Variants in MMP15 observed in about 807,000 individuals in gnomAD.
The protein encoded by MMP15 is matrix metallopeptidase 15.
Under a neutral mutation model 65.0 loss-of-function variants are expected in MMP15, and 36 were observed. That is an observed-to-expected ratio of 0.55 (90% CI 0.42 to 0.73). The LOEUF is 0.73. MMP15 is among the 30% of genes least tolerant of loss of function. The pLI is 0.00. For synonymous variants in MMP15, 428 were observed against 410.2 expected, an observed-to-expected ratio of 1.04 and a Z score of -0.52; for missense variants, 870 against 987.8, an observed-to-expected ratio of 0.88 and a Z score of 1.60.
Position 58,043,294 on chromosome 16 carries a change from A to G in MMP15, c.1388A>G (p.Tyr463Cys). 4.4e-6 allele frequency: 7 copies of G among 1,605,326 alleles called. No homozygotes were observed. The highest frequency in any genetic ancestry group is 5.1e-6 in the Non-Finnish European group (6 of 1,175,468). ...ACCAGCTATGGCCTGGGCATCCCCT[A>G]TGACCGCATTGACACGGCCATCTGG... ...PLTSYGLGIP[Y>C]DRIDTAIWWE... Residue 463 changes from tyrosine (Y) to cysteine (C), a missense_variant, in exon 8 of 10, where the codon TAT becomes TGT. Transcript: ENST00000219271.
chr16:58,043,921 T>A (rs992650551), intron 9 of MMP15, among the ~76,000 whole-genome samples: 1 of 152,188 alleles, frequency 6.6e-6, no homozygotes, highest in Non-Finnish European at 1.5e-5. Context: ...CCTGCCTGCG[T>A]CCGGAGCTGG....
chr16:58,031,574 T>G (rs41477647), intron 1 of MMP15, among the ~76,000 whole-genome samples: 6,711 of 152,226 alleles, frequency 0.044, 485 homozygotes, highest in African/African-American at 0.15. Context: ...GGAACCCGGT[T>G]GTTTTTTCCT....
At chr16:58,036,426 C>T (rs1258407575) in intron 1 of MMP15, among the ~76,000 whole-genome samples, 4 of 152,200 alleles carry the variant, frequency 2.6e-5, no homozygotes, top group African/African-American at 4.8e-5. Flanking sequence ...ATGCCTCAGC[C>T]TAGTCCTCCC....
intron 1 of MMP15, among the ~76,000 whole-genome samples, chr16:58,032,878 G>A (rs1265503785): frequency 6.6e-6 from 1 of 152,262 alleles, no homozygotes; most frequent in Non-Finnish European, 1.5e-5. Flanking sequence ...TGCTCAGATT[G>A]CAGACAGAAC....
Position 58,045,635 on chromosome 16 carries a change from T to TGTTTCC in MMP15, c.*190_*195dup, listed in dbSNP as rs1959551942. 1 of 580,248 alleles carries TGTTTCC rather than the reference T, an allele frequency of 1.7e-6. No homozygotes were observed. The highest frequency in any genetic ancestry group is 3.0e-6 in the Non-Finnish European group (1 of 335,700). The allele number at this position is 580,248 out of a possible 1,614,324, so 35.9% of individuals were successfully genotyped here. On this transcript the variant is annotated 3_prime_UTR_variant, in exon 10 of 10. Transcript: ENST00000219271. ...GGCACCTTACTTGACCATTTGTTTC[T>TGTTTCC]GTTTCCCCGACTGGGGCAGGGTGTT...
rs1959500757 is a variant in MMP15, at chr16:58,043,719, T to C, written c.1570+92T>C. ...GGGCTTGCCCAAGGTCACCCGGCAC[T>C]GTGATGGTGTGTATGGGTGACAAGC... On this transcript the variant is annotated intron_variant, in intron 9 of 9. Transcript: ENST00000219271. 1.2e-5 allele frequency: 11 copies of C among 883,842 alleles called. No individual in the cohort carries two copies. The East Asian group carries it at 2.9e-4, about 23-fold the overall frequency. 54.7% of individuals were successfully genotyped at this position (883,842 alleles called of 1,614,324 possible).
At position 58,043,226 on chromosome 16, in the gene MMP15, C is replaced by A. The variant is rs745333233; in HGVS notation, c.1320C>A (p.Leu440=). ...FVFFKGDRYW[L]FREANLEPGY... ...CTCCTGTAGGTGACCGCTACTGGCTCTTTCGAGAAGCGAACCTGGAGCCCG... is the reference window on the plus strand; with the variant it reads ...CTCCTGTAGGTGACCGCTACTGGCTATTTCGAGAAGCGAACCTGGAGCCCG... The change falls in exon 8 of 10, where the codon CTC becomes CTA. Residue 440 remains leucine, a synonymous_variant. Transcript: ENST00000219271. The A allele has an allele frequency of 6.3e-7, 1 of 1,599,482 alleles. No individual in the cohort carries two copies. Among genetic ancestry groups the A allele is most frequent in the South Asian group, 1.1e-5 (1 of 88,928 alleles).
At position 58,046,506 on chromosome 16, in the gene MMP15, CTG is replaced by C. The variant is rs1176179049; in HGVS notation, c.*1063_*1064del. 2 of 152,702 alleles carry C rather than the reference CTG, an allele frequency of 1.3e-5. No homozygotes were observed. Among genetic ancestry groups the C allele is most frequent in the Admixed American group, 6.5e-5 (1 of 15,306 alleles). 9.5% of individuals were successfully genotyped at this position (152,702 alleles called of 1,614,324 possible). On this transcript the variant is annotated 3_prime_UTR_variant, in exon 10 of 10. Coordinates refer to ENST00000219271, the MANE Select transcript of MMP15 (RefSeq NM_002428.4). ...GGGGATAGGCCAGCCGCGCATCAGACTGTGAACCCCACGAAGGAGCCCATTGT... is the reference window on the plus strand; with the variant it reads ...GGGGATAGGCCAGCCGCGCATCAGACTGAACCCCACGAAGGAGCCCATTGT...
chr16:58,041,981 A>T (rs1403662279), intron 6 of MMP15, 111 bp downstream of exon 6: 3 of 1,332,000 alleles, frequency 2.3e-6, no homozygotes, highest in African/African-American at 1.5e-5. Context: ...CCTCAGCTCT[A>T]GATGGGGAGG....
chr16:58,041,566 G>C, intron 5 of MMP15, 51 bp from the exon 6 acceptor site: 1 of 1,551,312 alleles, frequency 6.4e-7, no homozygotes, highest in Non-Finnish European at 8.7e-7. Context: ...CGGGGCCCAG[G>C]GTTCTGAGTA....
intron 4 of MMP15, 69 bp downstream of exon 4, chr16:58,040,251 A>AACCCACTCAGCAGG: frequency 6.7e-7 from 1 of 1,498,590 alleles, no homozygotes; most frequent in Non-Finnish European, 9.0e-7. Flanking sequence ...CACCCTGCTG[A>AACCCACTCAGCAGG]GTGGGTTCAG....
chr16:58,037,648 A>G (rs767780457), intron 2 of MMP15, 28 bp downstream of exon 2: 1 of 1,613,752 alleles, frequency 6.2e-7, no homozygotes, highest in South Asian at 1.1e-5. Context: ...TCCACACCCC[A>G]CAGGCACCTG....
intron 9 of MMP15, 136 bp downstream of exon 9, chr16:58,043,763 G>C: frequency 1.6e-6 from 1 of 634,764 alleles, no homozygotes; most frequent in South Asian, 2.2e-5. Flanking sequence ...GCTCTGGGCT[G>C]GGAGCTTACC....
chr16:58,029,304 G>A (rs914925368), intron 1 of MMP15, among the ~76,000 whole-genome samples: 2 of 151,990 alleles, frequency 1.3e-5, no homozygotes, highest in Admixed American at 6.6e-5. Flanking sequence ...TGCTGGCTCC[G>A]GGGGGGCCCC....
intron 1 of MMP15, among the ~76,000 whole-genome samples, chr16:58,035,271 T>TGCCAG (rs1362135322): frequency 6.6e-6 from 1 of 152,196 alleles, no homozygotes; most frequent in African/African-American, 2.4e-5. Flanking sequence ...CCCACGACAT[T>TGCCAG]GCCAGTATCT....
chr16:58,039,367 G>C (rs561552171), intron 3 of MMP15, among the ~76,000 whole-genome samples: 1 of 152,394 alleles, frequency 6.6e-6, no homozygotes, highest in South Asian at 2.1e-4. Context: ...GGGAGGTGGA[G>C]GTTGCAGTGA....
Position 58,045,657 on chromosome 16 carries a change from T to C in MMP15, c.*211T>C. The C allele has an allele frequency of 1.8e-6, 1 of 566,232 alleles. No homozygotes were observed. The highest frequency in any genetic ancestry group is 2.3e-5 in the South Asian group (1 of 43,804). 35.1% of individuals were successfully genotyped at this position (566,232 alleles called of 1,614,324 possible). The stretch of plus-strand genomic sequence containing the variant: ...TTCTGTTTCCCCGACTGGGGCAGGG[T>C]GTTTAGAATTTTCTAAATGTAGTTC... On this transcript the variant is annotated 3_prime_UTR_variant, in exon 10 of 10. Transcript: ENST00000219271.
chr16:58,044,919 T>C, intron 9 of MMP15, 88 bp from the exon 10 acceptor site: 4 of 1,431,158 alleles, frequency 2.8e-6, no homozygotes, highest in Non-Finnish European at 3.9e-6. Context: ...AAGGGTGTTT[T>C]GAAGCCCTCA....
chr16:58,040,801 A>G (rs1257870898), intron 5 of MMP15, 103 bp downstream of exon 5: 11 of 1,491,784 alleles, frequency 7.4e-6, no homozygotes, highest in Non-Finnish European at 8.3e-6. Flanking sequence ...GAGGAACCCA[A>G]GGCTCAGTGA....
Sources: gnomAD v4.1 joint callset for allele counts (sites outside exome capture counted in the v4.1 genomes callset) on GRCh38, gnomAD v4.1.1 for gene constraint, MANE v1.5 for transcripts, NCBI Gene and HGNC (gene_info 2026-07-23, HGNC 2026-07-21) for gene names.